RNFT2: variants seen among roughly 807,000 people sequenced by gnomAD.
The protein encoded by RNFT2 is E3 ubiquitin-protein ligase RNFT2.
Under a neutral mutation model 53.0 loss-of-function variants are expected in RNFT2, and 36 were observed. The observed-to-expected ratio is 0.68, with a 90% CI of 0.52 to 0.90. The LOEUF is 0.90. Ranked by LOEUF, RNFT2 falls within the 40% of genes least tolerant of loss-of-function variation. The pLI is 0.00. For missense variants in RNFT2, 514 were observed against 585.6 expected (o/e 0.88, Z 1.26); for synonymous variants, 260 against 253.2 (o/e 1.03, Z -0.26).
At chr12:116,834,650 T>C (rs1400949812) in intron 8 of RNFT2, among the ~76,000 whole-genome samples, 1 of 152,206 alleles carries the variant, frequency 6.6e-6, no homozygotes, top group East Asian at 1.9e-4. Context: ...TTCATATAAA[T>C]GGAATCATGT....
chr12:116,746,847 C>A (rs758932618), intron 3 of RNFT2, among the ~76,000 whole-genome samples: 1 of 152,064 alleles, frequency 6.6e-6, no homozygotes, highest in Non-Finnish European at 1.5e-5. Context: ...TTAGTGGGAT[C>A]GTGAAATAAT....
intron 7 of RNFT2, among the ~76,000 whole-genome samples, chr12:116,825,674 A>T (rs1379290265): frequency 6.6e-6 from 1 of 152,216 alleles, no homozygotes; most frequent in Non-Finnish European, 1.5e-5. Context: ...AAATTGGCAA[A>T]CACACAAATC....
At chr12:116,743,335 C>T (rs1871737619) in intron 3 of RNFT2, among the ~76,000 whole-genome samples, 1 of 148,688 alleles carries the variant, frequency 6.7e-6, no homozygotes. Flanking sequence ...AGTACAATCT[C>T]AGCTCACTAC....
At chr12:116,821,776 A>ATCCTCCT (rs1876039379) in intron 7 of RNFT2, among the ~76,000 whole-genome samples, 1 of 123,372 alleles carries the variant, frequency 8.1e-6, no homozygotes, top group African/African-American at 3.1e-5. Flanking sequence ...CCTTGAAGCT[A>ATCCTCCT]TCCTCCTTTT....
intron 7 of RNFT2, among the ~76,000 whole-genome samples, chr12:116,798,564 T>C (rs1246190362): frequency 6.6e-6 from 1 of 152,124 alleles, no homozygotes; most frequent in African/African-American, 2.4e-5. Context: ...GCATTAGGTT[T>C]TTTTTATTTT....
chr12:116,750,431 G>T, intron 4 of RNFT2, 124 bp downstream of exon 4: 1 of 901,088 alleles, frequency 1.1e-6, no homozygotes, highest in Non-Finnish European at 1.7e-6. Flanking sequence ...ATGGGCTTCA[G>T]GATGTGGGAT....
chr12:116,750,887 ATATAATATATATATATATATATT>A (rs1872207627), intron 4 of RNFT2, among the ~76,000 whole-genome samples: 1 of 2,656 alleles, frequency 3.8e-4, no homozygotes. Flanking sequence ...TATATTATAT[ATATAATATATATATATATATATT>A]TTTTTTTGAG....
chr12:116,807,212 T>C (rs549406645), intron 7 of RNFT2, among the ~76,000 whole-genome samples: 24 of 152,304 alleles, frequency 1.6e-4, no homozygotes, highest in African/African-American at 5.5e-4. Flanking sequence ...AATGAGAGAC[T>C]GGAAGCTCAG....
At chr12:116,760,890 A>C (rs1872669603) in intron 5 of RNFT2, among the ~76,000 whole-genome samples, 1 of 152,074 alleles carries the variant, frequency 6.6e-6, no homozygotes, top group African/African-American at 2.4e-5. Context: ...TTATTTCATA[A>C]TTTTTAGAGA....
At chr12:116,804,103 C>G (rs1289982225) in intron 7 of RNFT2, among the ~76,000 whole-genome samples, 1 of 152,216 alleles carries the variant, frequency 6.6e-6, no homozygotes, top group African/African-American at 2.4e-5. Context: ...TTTTACTACA[C>G]ATTTATGTCC....
Position 116,849,539 on chromosome 12 carries a change from C to A in RNFT2, c.*91C>A. On this transcript the variant is annotated 3_prime_UTR_variant, in exon 11 of 11. Coordinates refer to ENST00000257575, the MANE Select transcript of RNFT2 (RefSeq NM_001382266.1). ...GGCTTCCTGAGAAACAGGCCTCAAG[C>A]ACTTACATCCTGCCTCTTGCCCTCC... 9 of 1,459,828 alleles carry A rather than the reference C, an allele frequency of 6.2e-6. No individual in the cohort carries two copies. The highest frequency in any genetic ancestry group is 8.2e-6 in the Non-Finnish European group (9 of 1,102,058). 90.4% of individuals were successfully genotyped at this position (1,459,828 alleles called of 1,614,324 possible).
rs1592937079 is a variant in RNFT2, at chr12:116,750,435, G to C, written c.550+128G>C. ...CAGAGACCAACATGGGCTTCAGGAT[G>C]TGGGATTCTGAGTCAGACCTGGGTT... On this transcript the variant is annotated intron_variant, in intron 4 of 10. Coordinates refer to ENST00000257575, the MANE Select transcript of RNFT2 (RefSeq NM_001382266.1). 4 of 879,638 alleles carry C rather than the reference G, an allele frequency of 4.5e-6. No individual in the cohort carries two copies. The South Asian group carries it at 6.8e-5, about 15-fold the overall frequency. 54.5% of individuals were successfully genotyped at this position (879,638 alleles called of 1,614,324 possible). A position where few individuals can be genotyped will look rare whatever the true frequency, so the allele number is the denominator to read the frequency against.
At position 116,792,757 on chromosome 12, in the gene RNFT2, T is replaced by C. The variant is rs189305863; in HGVS notation, c.882+13409T>C. On this transcript the variant is annotated intron_variant, in intron 7 of 10. Transcript: ENST00000257575. ...TCCTTGTCTGTGGAGAAGAAAAGGA[T>C]GGGTTTTCATCTGCAGCGGGGGGAA... Among the ~76,000 whole-genome samples, 3 of 152,232 alleles carry C rather than the reference T, an allele frequency of 2.0e-5. No homozygotes were observed. In the East Asian group the frequency reaches 5.8e-4, roughly 29 times the overall value.
At chr12:116,751,520 C>T (rs1354992871) in intron 4 of RNFT2, among the ~76,000 whole-genome samples, 2 of 151,880 alleles carry the variant, frequency 1.3e-5, no homozygotes, top group African/African-American at 2.4e-5. Context: ...TCTCCTGCCT[C>T]AGCCTCCCGA....
At chr12:116,741,526 T>TGTGGTGATAGCAA (rs1339018648) in intron 3 of RNFT2, among the ~76,000 whole-genome samples, 1 of 152,228 alleles carries the variant, frequency 6.6e-6, no homozygotes, top group African/African-American at 2.4e-5. Context: ...TGCTATGTCT[T>TGTGGTGATAGCAA]AATGTGGTGA....
intron 7 of RNFT2, among the ~76,000 whole-genome samples, chr12:116,791,809 G>A (rs1874245314): frequency 6.6e-6 from 1 of 152,180 alleles, no homozygotes; most frequent in South Asian, 2.1e-4. Flanking sequence ...TCTGGATCAT[G>A]CTGTAATCCT....
Position 116,843,269 on chromosome 12 carries a change from G to A in RNFT2, c.1201-6045G>A, listed in dbSNP as rs369908747. Reference sequence around the variant, plus strand: ...GCATTTTGGGAGGCTGAGGCGATTGGATCCCTTGAGCCCAGGAGTTTGAGA... The same window carrying A: ...GCATTTTGGGAGGCTGAGGCGATTGAATCCCTTGAGCCCAGGAGTTTGAGA... On this transcript the variant is annotated intron_variant, in intron 10 of 10. Coordinates refer to ENST00000257575, the MANE Select transcript of RNFT2 (RefSeq NM_001382266.1). 3.2e-4 allele frequency among the ~76,000 whole-genome samples: 49 copies of A among 152,042 alleles called. 1 individual carries two copies. In the East Asian group the frequency reaches 8.9e-3, roughly 28 times the overall value.
chr12:116,839,698 G>A (rs781691874), intron 10 of RNFT2, among the ~76,000 whole-genome samples: 7 of 147,222 alleles, frequency 4.8e-5, no homozygotes, highest in Non-Finnish European at 9.0e-5. Context: ...GACAGTGTGG[G>A]TGAGCAAATG....
In RNFT2 at chr12:116,852,578, G is replaced by A; in HGVS notation, c.*3130G>A. 1 of 1,612,520 alleles carries A rather than the reference G, an allele frequency of 6.2e-7. No individual in the cohort carries two copies. On this transcript the variant is annotated 3_prime_UTR_variant, in exon 11 of 11. Coordinates refer to ENST00000257575, the MANE Select transcript of RNFT2 (RefSeq NM_001382266.1). ...GCAGCTGCTCTGTTCTCCCTACCCT[G>A]AGGAAAAACCAAAGGGAAGCAACAG...
Sources: gnomAD v4.1 joint callset for allele counts (sites outside exome capture counted in the v4.1 genomes callset) on GRCh38, gnomAD v4.1.1 for gene constraint, MANE v1.5 for transcripts, NCBI Gene and HGNC (gene_info 2026-07-23, HGNC 2026-07-21) for gene names.